EP300: variants seen among roughly 807,000 people sequenced by gnomAD.
EP300 encodes histone acetyltransferase p300.
A neutral mutation model predicts 264.0 loss-of-function variants in EP300; 31 were observed. The observed-to-expected ratio is 0.12, with a 90% confidence interval of 0.09 to 0.16. The LOEUF is 0.16. EP300 is among the 10% of genes least tolerant of loss of function. The pLI is 1.00. For missense variants in EP300, 2,766 were observed against 3,052.9 expected, an observed-to-expected ratio of 0.91 and a Z score of 2.21; for synonymous variants, 1,340 against 1,045.4, an observed-to-expected ratio of 1.28 and a Z score of -5.44.
rs2059151848 is a variant in EP300 at position 41,168,319 on chromosome 22, A to G, written c.3875-130A>G. 3 of 1,062,136 alleles carry G rather than the reference A, an allele frequency of 2.8e-6. No individual in the cohort carries two copies. The African/African-American group carries it at 4.7e-5, about 17-fold the overall frequency. The allele number at this position is 1,062,136 out of a possible 1,614,324, so 65.8% of individuals were successfully genotyped here. A position where few individuals can be genotyped will look rare whatever the true frequency, so the allele number is the denominator to read the frequency against. On this transcript the variant is annotated intron_variant, in intron 23 of 30. Transcript: ENST00000263253. ...TCTGCAAAGTAGTGACTACTTTGCT[A>G]TGATTTTTTAAAATTTCACCAAGTT...
intron 14 of EP300, among the ~76,000 whole-genome samples, 169 bp downstream of exon 14, chr22:41,150,367 G>A (rs920600586): frequency 2.6e-5 from 4 of 152,078 alleles, no homozygotes; most frequent in African/African-American, 7.2e-5. Flanking sequence ...GCCTTCCTGT[G>A]ATAGTACCTA....
Position 41,177,573 on chromosome 22 carries a change from C to G in EP300, c.5862C>G (p.His1954Gln), listed in dbSNP as rs565858141. 5.0e-6 allele frequency: 8 copies of G among 1,614,198 alleles called. No individual in the cohort carries two copies. Among genetic ancestry groups the G allele is most frequent in the Non-Finnish European group, 6.8e-6 (8 of 1,180,050 alleles). ...HVQIFQRPIQ[H>Q]QMPPMTPMAP... ...AAATTTTTCAAAGGCCAATCCAACACCAGATGCCCCCGATGACTCCCATGG... is the reference window on the plus strand; with the variant it reads ...AAATTTTTCAAAGGCCAATCCAACAGCAGATGCCCCCGATGACTCCCATGG... Residue 1954 changes from histidine (H) to glutamine (Q), a missense_variant, in exon 31 of 31, where the codon CAC becomes CAG. Physicochemically the swap from His to Gln is conservative, Grantham distance 24. Coordinates refer to ENST00000263253, the MANE Select transcript of EP300 (RefSeq NM_001429.4).
intron 1 of EP300, among the ~76,000 whole-genome samples, chr22:41,097,201 A>G (rs1416445280): frequency 6.6e-6 from 1 of 152,208 alleles, no homozygotes; most frequent in Non-Finnish European, 1.5e-5. Flanking sequence ...AAGTTCATTT[A>G]TAGGACTTCA....
At position 41,150,163 on chromosome 22, in the gene EP300, A is replaced by G. The variant is rs1601619962; in HGVS notation, c.2782A>G (p.Thr928Ala). The change falls in exon 14 of 31, where the codon ACA becomes GCA. Residue 928 changes from threonine (T) to alanine (A), a missense_variant. Transcript: ENST00000263253. ...CACAGCAGCGTCTGTTCCTACCCCAACAGCACCGCTGCTTCCTCCGCAGCC... is the reference window on the plus strand; with the variant it reads ...CACAGCAGCGTCTGTTCCTACCCCAGCAGCACCGCTGCTTCCTCCGCAGCC... The part of the protein sequence containing the change: ...QSTAASVPTP[T>A]APLLPPQPAT... 1.9e-6 allele frequency: 3 copies of G among 1,610,920 alleles called. No homozygotes were observed. The highest frequency in any genetic ancestry group is 1.7e-6 in the Non-Finnish European group (2 of 1,179,748).
chr22:41,106,632 TTTG>T (rs1478705253), intron 1 of EP300, among the ~76,000 whole-genome samples: 1 of 152,172 alleles, frequency 6.6e-6, no homozygotes, highest in East Asian at 1.9e-4. Flanking sequence ...TTAAGTGTTT[TTTG>T]TTGTTTGTTT....
intron 4 of EP300, 69 bp downstream of exon 4, chr22:41,127,817 C>G: frequency 1.3e-6 from 2 of 1,591,358 alleles, no homozygotes; most frequent in Non-Finnish European, 1.7e-6. Context: ...AAAATGTGAT[C>G]AAGTCTATTT....
chr22:41,110,750 G>A (rs951683107), intron 1 of EP300, among the ~76,000 whole-genome samples: 6 of 151,638 alleles, frequency 4.0e-5, no homozygotes, highest in South Asian at 2.1e-4. Flanking sequence ...CTTGGGATCT[G>A]TGTATACTTT....
rs1472439923 is a variant in EP300 at position 41,127,478 on chromosome 22, A to C, written c.907-9A>C. ...CTCCTACCATTAAATATATTGTTAT[A>C]TCTCTCAGGGTCAACAGCCAGCCCC... On this transcript the variant is annotated splice_polypyrimidine_tract_variant and intron_variant, in intron 3 of 30. Coordinates refer to ENST00000263253, the MANE Select transcript of EP300 (RefSeq NM_001429.4). The C allele has an allele frequency of 1.2e-5, 20 of 1,613,920 alleles. No homozygotes were observed. The highest frequency in any genetic ancestry group is 4.0e-5 in the African/African-American group (3 of 74,928).
At chr22:41,173,005 TTC>T (rs1313470775) in intron 28 of EP300, among the ~76,000 whole-genome samples, 2 of 152,172 alleles carry the variant, frequency 1.3e-5, no homozygotes, top group Non-Finnish European at 2.9e-5. Flanking sequence ...CTGGCATATT[TTC>T]TGTCTTTTAA....
chr22:41,115,431 A>G (rs1176694963), intron 1 of EP300, among the ~76,000 whole-genome samples: 1 of 152,070 alleles, frequency 6.6e-6, no homozygotes, highest in African/African-American at 2.4e-5. Context: ...CTTAGCACCC[A>G]GTTTTGTTTG....
intron 16 of EP300, 53 bp downstream of exon 16, chr22:41,152,403 A>G: frequency 1.3e-6 from 2 of 1,578,552 alleles, no homozygotes; most frequent in African/African-American, 1.3e-5. Context: ...CCAAAGACCC[A>G]GGGCAGAATT....
intron 2 of EP300, among the ~76,000 whole-genome samples, chr22:41,123,376 G>A (rs2058863001): frequency 6.6e-6 from 1 of 152,172 alleles, no homozygotes. Context: ...ACCATAGATA[G>A]GTAGTCAGAC....
chr22:41,111,308 T>A (rs2058788943), intron 1 of EP300, among the ~76,000 whole-genome samples: 1 of 152,204 alleles, frequency 6.6e-6, no homozygotes, highest in African/African-American at 2.4e-5. Flanking sequence ...TGTAACCATT[T>A]GTTGCTGGCA....
chr22:41,141,250 T>G, intron 10 of EP300, 28 bp downstream of exon 10: 3 of 1,596,566 alleles, frequency 1.9e-6, no homozygotes, highest in Non-Finnish European at 2.6e-6. Context: ...TATTTCTGTT[T>G]GAGAGAAATT....
At chr22:41,108,502 G>A (rs2058770976) in intron 1 of EP300, among the ~76,000 whole-genome samples, 1 of 152,016 alleles carries the variant, frequency 6.6e-6, no homozygotes, top group South Asian at 2.1e-4. Flanking sequence ...TCCAGCCTTG[G>A]CCTTCCAAAG....
In EP300 at chr22:41,172,380, C is replaced by T. The variant is rs2059175741; in HGVS notation, c.4453-119C>T. On this transcript the variant is annotated intron_variant, in intron 27 of 30. Transcript: ENST00000263253. ...CTGGCTTACGGCTTAGGTATAAAGT[C>T]TCTGCCAGCTTTCAAGACATTTTAA... 6 of 918,878 alleles carry T rather than the reference C, an allele frequency of 6.5e-6. No individual in the cohort carries two copies. In the Admixed American group the frequency reaches 1.3e-4, roughly 20 times the overall value. 56.9% of individuals were successfully genotyped at this position (918,878 alleles called of 1,614,324 possible). A position where few individuals can be genotyped will look rare whatever the true frequency, so the allele number is the denominator to read the frequency against.
chr22:41,099,269 G>A (rs1462161685), intron 1 of EP300, among the ~76,000 whole-genome samples: 2 of 152,074 alleles, frequency 1.3e-5, no homozygotes, highest in African/African-American at 4.8e-5. Flanking sequence ...TCCTGACCTC[G>A]TGATCCACCC....
At chr22:41,094,058 G>C (rs777693692) in intron 1 of EP300, among the ~76,000 whole-genome samples, 19 of 152,328 alleles carry the variant, frequency 1.2e-4, no homozygotes, top group Non-Finnish European at 2.2e-4. Context: ...TTGTGGACTA[G>C]CTCCTTTGTC....
chr22:41,105,019 A>C (rs1031436229), intron 1 of EP300, among the ~76,000 whole-genome samples: 1 of 151,386 alleles, frequency 6.6e-6, no homozygotes, highest in Non-Finnish European at 1.5e-5. Context: ...AAAAAAATTA[A>C]CCCCGTCTCT....
Sources: allele counts gnomAD v4.1 joint callset (sites outside exome capture counted in the v4.1 genomes callset), GRCh38; gene constraint gnomAD v4.1.1; transcripts MANE v1.5; gene names NCBI Gene and HGNC (gene_info 2026-07-23, HGNC 2026-07-21).